Variants in FOXP2 observed in about 807,000 individuals in gnomAD.
FOXP2 encodes the protein forkhead box protein P2.
In FOXP2, 12 loss-of-function variants were observed where a neutral mutation model predicts 115.8. The observed-to-expected ratio is 0.10, with a 90% CI of 0.07 to 0.17. FOXP2 has a LOEUF of 0.17. FOXP2 is among the 10% of genes least tolerant of loss of function. The pLI is 1.00. For synonymous variants in FOXP2, 328 were observed against 297.7 expected (o/e 1.10, Z -1.05); for missense variants, 629 against 843.5 (o/e 0.75, Z 3.15).
At chr7:114,352,504 C>CTT (rs1474823776) in intron 2 of FOXP2, among the ~76,000 whole-genome samples, 1 of 152,130 alleles carries the variant, frequency 6.6e-6, no homozygotes, top group African/African-American at 2.4e-5. Context: ...TGAACAGGCT[C>CTT]TTACAGAACT....
At chr7:114,112,401 A>G (rs1791293730) in intron 1 of FOXP2, among the ~76,000 whole-genome samples, 1 of 151,926 alleles carries the variant, frequency 6.6e-6, no homozygotes, top group Non-Finnish European at 1.5e-5. Flanking sequence ...AGGTTCAAGC[A>G]ATTCTCCAGC....
chr7:114,598,011 C>T (rs1407371279), intron 3 of FOXP2, among the ~76,000 whole-genome samples: 2 of 152,076 alleles, frequency 1.3e-5, no homozygotes, highest in Admixed American at 1.3e-4. Context: ...ATTCTTATAT[C>T]CCTGATACTT....
chr7:114,499,408 G>A (rs1487266309), intron 2 of FOXP2: 2 of 152,342 alleles, frequency 1.3e-5, no homozygotes, highest in Admixed American at 6.5e-5. Context: ...TACTTAATTG[G>A]CTACTTTATT....
At chr7:114,683,653 T>C (rs1312356116) in intron 16 of FOXP2, among the ~76,000 whole-genome samples, 1 of 152,114 alleles carries the variant, frequency 6.6e-6, no homozygotes, top group East Asian at 1.9e-4. Context: ...GATCCTTAAG[T>C]GGTAGACAGG....
Position 114,664,326 on chromosome 7 carries a change from T to A in FOXP2, c.1893T>A (p.Asn631Lys). The A allele has an allele frequency of 6.2e-7, 1 of 1,613,618 alleles. No individual in the cohort carries two copies. The highest frequency in any genetic ancestry group is 8.5e-7 in the Non-Finnish European group (1 of 1,179,710). The change falls in exon 16 of 17, where the codon AAT becomes AAA. Residue 631 changes from asparagine (N) to lysine (K), a missense_variant. Physicochemically the swap from Asn to Lys is moderately conservative, Grantham distance 94. Around this residue, in one of 9 missense-constraint regions of FOXP2, gnomAD observed 117 missense variants for 112.3 expected, o/e 1.04. Coordinates refer to ENST00000350908, the MANE Select transcript of FOXP2 (RefSeq NM_014491.4). Reference protein sequence around the residue: ...LPLLSNPGLINNASSGLLQAV... With the variant: ...LPLLSNPGLIKNASSGLLQAV... ...TGCTAAGTAATCCTGGACTGATAAA[T>A]AATGCATCCAGTGGCCTACTGCAGG... is the stretch of plus-strand genomic sequence containing the variant.
At chr7:114,090,972 CT>C (rs903764540) in intron 1 of FOXP2, among the ~76,000 whole-genome samples, 1 of 151,296 alleles carries the variant, frequency 6.6e-6, no homozygotes. Context: ...AATGCCATCA[CT>C]TTTTTTTAGC....
chr7:114,252,778 G>A (rs193082429), intron 1 of FOXP2, among the ~76,000 whole-genome samples: 26 of 151,612 alleles, frequency 1.7e-4, no homozygotes, highest in Middle Eastern at 3.4e-3. Context: ...AGGGTTTTTT[G>A]TGTCTCTATC....
At chr7:114,134,712 CAAAA>C (rs35653755) in intron 1 of FOXP2, among the ~76,000 whole-genome samples, 9 of 112,310 alleles carry the variant, frequency 8.0e-5, no homozygotes, top group Admixed American at 2.6e-4. Context: ...GACTCCGTCT[CAAAA>C]AAAAAAAAAA....
chr7:114,602,709 T>C (rs1803093504), intron 3 of FOXP2, among the ~76,000 whole-genome samples: 1 of 152,188 alleles, frequency 6.6e-6, no homozygotes. Context: ...ATATTTTCCA[T>C]GCTTATGTGA....
chr7:114,207,792 A>G (rs1794237165), intron 1 of FOXP2, among the ~76,000 whole-genome samples: 1 of 152,216 alleles, frequency 6.6e-6, no homozygotes, highest in Admixed American at 6.5e-5. Context: ...TTACTCTACA[A>G]TAGGACCTAA....
chr7:114,224,778 G>A (rs920889269), intron 1 of FOXP2, among the ~76,000 whole-genome samples: 1 of 152,014 alleles, frequency 6.6e-6, no homozygotes, highest in African/African-American at 2.4e-5. Context: ...CTCAACCTCC[G>A]TAGTAGGTGG....
chr7:114,311,662 G>A (rs1233552306), intron 2 of FOXP2, among the ~76,000 whole-genome samples: 1 of 152,076 alleles, frequency 6.6e-6, no homozygotes, highest in Non-Finnish European at 1.5e-5. Context: ...AGAAAACTAT[G>A]TTATTCCCCA....
intron 2 of FOXP2, among the ~76,000 whole-genome samples, chr7:114,315,878 A>G (rs576768214): frequency 4.6e-5 from 7 of 152,284 alleles, no homozygotes; most frequent in African/African-American, 1.4e-4. Context: ...ACTATAGCCA[A>G]TGTCACTATA....
chr7:114,205,255 G>A (rs185264461), intron 1 of FOXP2, among the ~76,000 whole-genome samples: 4 of 152,086 alleles, frequency 2.6e-5, no homozygotes, highest in African/African-American at 4.8e-5. Context: ...TATTTCGATT[G>A]TATCACATGC....
chr7:114,295,440 TC>T (rs1199212919), intron 2 of FOXP2, among the ~76,000 whole-genome samples: 1 of 152,198 alleles, frequency 6.6e-6, no homozygotes, highest in Admixed American at 6.5e-5. Context: ...ATTTAAAATG[TC>T]ATACAAATTT....
chr7:114,138,473 C>A (rs2129146629), intron 1 of FOXP2, among the ~76,000 whole-genome samples: 1 of 150,064 alleles, frequency 6.7e-6, no homozygotes, highest in Non-Finnish European at 1.5e-5. Flanking sequence ...CTCACTGCAA[C>A]CTCTGCCTCC....
rs112366898 is a variant in FOXP2 at position 114,208,308 on chromosome 7, G to A, written c.-102+45220G>A. On this transcript the variant is annotated intron_variant, in intron 1 of 17. Coordinates refer to the FOXP2 transcript ENST00000634411. ...CTACTGGATTTTGGACTTGCATGGGGCCTGTATCCCCTTTGTTTTGGCCAA... is the reference window on the plus strand; with the variant it reads ...CTACTGGATTTTGGACTTGCATGGGACCTGTATCCCCTTTGTTTTGGCCAA... Among the ~76,000 whole-genome samples, 72 of 152,240 alleles carry A rather than the reference G, an allele frequency of 4.7e-4. 2 individuals carry two copies. Among genetic ancestry groups the A allele is most frequent in the African/African-American group, 1.6e-3 (68 of 41,546 alleles).
At chr7:114,379,764 C>T (rs1792235248) in intron 2 of FOXP2, among the ~76,000 whole-genome samples, 1 of 152,166 alleles carries the variant, frequency 6.6e-6, no homozygotes, top group African/African-American at 2.4e-5. Flanking sequence ...CTCACAGGCC[C>T]TGACTATCTG....
At chr7:114,389,680 A>G (rs1171101738) in intron 2 of FOXP2, among the ~76,000 whole-genome samples, 1 of 152,198 alleles carries the variant, frequency 6.6e-6, no homozygotes, top group African/African-American at 2.4e-5. Flanking sequence ...GGACCATAGA[A>G]TATATAATGA....
Sources: gnomAD v4.1 joint callset for allele counts (sites outside exome capture counted in the v4.1 genomes callset) on GRCh38, gnomAD v4.1.1 for gene constraint, gnomAD v4.1.1 regional missense constraint, MANE v1.5 for transcripts, NCBI Gene and HGNC (gene_info 2026-07-23, HGNC 2026-07-21) for gene names.